The following NCKAP1 variants were observed in gnomAD, a reference collection of about 807,000 sequenced individuals.
NCKAP1 encodes nck-associated protein 1.
In NCKAP1, 21 loss-of-function variants were observed where a neutral mutation model predicts 151.2. The observed-to-expected ratio is 0.14, with a 90% CI of 0.10 to 0.20. The LOEUF (loss-of-function observed/expected upper bound fraction) is 0.20, where lower values mean the gene tolerates loss of function less well. NCKAP1 is among the 10% of genes least tolerant of loss of function. The probability of loss-of-function intolerance (pLI) is 1.00; values close to 1 mark genes in which losing one functional copy is unlikely to be tolerated. For missense variants in NCKAP1, 933 were observed against 1,352.1 expected (o/e 0.69, Z 4.86); for synonymous variants, 484 against 451.8 (o/e 1.07, Z -0.90).
At chr2:182,931,044 T>C (rs573996850) in intron 26 of NCKAP1, among the ~76,000 whole-genome samples, 150 of 152,256 alleles carry the variant, frequency 9.9e-4, no homozygotes, top group Non-Finnish European at 2.9e-4. Flanking sequence ...TCCAACAGGA[T>C]AATTCTAAAG....
chr2:182,943,248 T>C lies in NCKAP1; in HGVS notation c.2602-1085A>G, dbSNP rs1207962760. ...GGTGCAGCAAGCATATAAAGTGCCA[T>C]GGTGTTTTTTACAAACGAAAGGTTG... On this transcript the variant is annotated intron_variant, in intron 23 of 30. Transcript: ENST00000361354. 2.6e-5 allele frequency among the ~76,000 whole-genome samples: 4 copies of C among 152,124 alleles called. No homozygotes were observed. In the East Asian group the frequency reaches 7.7e-4, roughly 29 times the overall value.
chr2:182,976,931 C>G lies in NCKAP1; in HGVS notation c.1444G>C (p.Asp482His). The G allele has an allele frequency of 6.5e-7, 1 of 1,530,788 alleles. No homozygotes were observed. The highest frequency in any genetic ancestry group is 1.4e-5 in the African/African-American group (1 of 70,746). 94.8% of individuals were successfully genotyped at this position (1,530,788 alleles called of 1,614,324 possible). The part of the protein sequence containing the change: ...VKQVEDGEVF[D>H]FRGMRLDWFR... ...CAATCTAATCTCATTCCTCTGAAAT[C>G]AAATACTTCCCCATCTTCAACTGTA... The change falls in exon 15 of 31, where the codon GAT becomes CAT. Residue 482 changes from aspartate (D) to histidine (H), a missense_variant. Physicochemically the swap from Asp to His is moderately conservative, Grantham distance 81. Transcript: ENST00000361354.
At chr2:182,981,421 A>T in intron 12 of NCKAP1, 45 bp from the exon 13 acceptor site, 13 of 1,431,876 alleles carry the variant, frequency 9.1e-6, no homozygotes, top group Non-Finnish European at 1.3e-5. Context: ...TAAATTCATC[A>T]TTATTAAAGA....
intron 23 of NCKAP1, among the ~76,000 whole-genome samples, chr2:182,943,847 T>G (rs527560388): frequency 6.6e-6 from 1 of 152,170 alleles, no homozygotes; most frequent in Non-Finnish European, 1.5e-5. Context: ...TTGGATAACT[T>G]GCCCAAAGTT....
chr2:182,954,615 G>A (rs372669938), intron 20 of NCKAP1, among the ~76,000 whole-genome samples: 5 of 152,008 alleles, frequency 3.3e-5, no homozygotes, highest in East Asian at 1.9e-4. Flanking sequence ...GCGAAACCCC[G>A]TCTCTACTAA....
intron 15 of NCKAP1, among the ~76,000 whole-genome samples, chr2:182,974,494 T>C (rs1453504454): frequency 2.0e-5 from 3 of 152,028 alleles, no homozygotes; most frequent in Non-Finnish European, 4.4e-5. Context: ...CAAATATAAC[T>C]GGTAGCCCTA....
At chr2:183,019,764 A>G (rs1698761124) in intron 2 of NCKAP1, among the ~76,000 whole-genome samples, 1 of 152,244 alleles carries the variant, frequency 6.6e-6, no homozygotes, top group Non-Finnish European at 1.5e-5. Context: ...TCATTTAATC[A>G]GCTTGCTCTG....
At chr2:182,939,465 T>C (rs1696949482) in intron 24 of NCKAP1, among the ~76,000 whole-genome samples, 1 of 151,882 alleles carries the variant, frequency 6.6e-6, no homozygotes, top group African/African-American at 2.4e-5. Context: ...GAGGTGGAGG[T>C]TGCAGTGAGC....
At position 182,912,303 on chromosome 2, in the gene NCKAP1, C is replaced by G. The variant is rs1413420839; in HGVS notation, c.*13399G>C. On this transcript the variant is annotated 3_prime_UTR_variant, in exon 31 of 31. Transcript: ENST00000361354. ...GACATTCTTACCCATTGCTAAAAAT[C>G]AACCAACTATAAACAGTTACCACAG... The G allele has an allele frequency of 6.6e-6, 1 of 152,160 alleles. No homozygotes were observed. The highest frequency in any genetic ancestry group is 1.5e-5 in the Non-Finnish European group (1 of 68,030). The allele number at this position is 152,160 out of a possible 1,614,324, so 9.4% of individuals were successfully genotyped here.
intron 6 of NCKAP1, among the ~76,000 whole-genome samples, chr2:182,998,225 T>C (rs1054255940): frequency 6.6e-6 from 1 of 152,114 alleles, no homozygotes; most frequent in Non-Finnish European, 1.5e-5. Context: ...ATATACGGAA[T>C]GGGCAAAAGC....
At chr2:182,936,674 C>T (rs1032227453) in intron 24 of NCKAP1, among the ~76,000 whole-genome samples, 2 of 152,096 alleles carry the variant, frequency 1.3e-5, no homozygotes, top group African/African-American at 4.8e-5. Context: ...CTAAACCATA[C>T]AAATAGGCCT....
chr2:183,027,898 A>G (rs1199406379), intron 1 of NCKAP1, among the ~76,000 whole-genome samples: 1 of 152,184 alleles, frequency 6.6e-6, no homozygotes, highest in Admixed American at 6.5e-5. Flanking sequence ...ATATCTTTCT[A>G]TTACATCTAC....
At chr2:182,926,926 TAAAGTGAGTTTGTTAATAAA>T (rs758241167) in intron 29 of NCKAP1, 21 bp from the exon 30 acceptor site, 4 of 1,494,768 alleles carry the variant, frequency 2.7e-6, no homozygotes, top group Non-Finnish European at 2.8e-6. Context: ...TACATACACA[TAAAGTGAGTTTGTTAATAAA>T]AGGTTCATCG....
At chr2:183,030,465 C>A (rs1460132691) in intron 1 of NCKAP1, among the ~76,000 whole-genome samples, 1 of 152,114 alleles carries the variant, frequency 6.6e-6, no homozygotes, top group African/African-American at 2.4e-5. Context: ...TTTTCTAGTA[C>A]AATGAATTAA....
In NCKAP1 at chr2:182,943,721, A is replaced by G. The variant is rs560784736; in HGVS notation, c.2602-1558T>C. The stretch of plus-strand genomic sequence containing the variant: ...CTGATATATGTTTAATAATAAGAGC[A>G]ATTATAACCATTTGTTAAGCTCTTA... On this transcript the variant is annotated intron_variant, in intron 23 of 30. Coordinates refer to ENST00000361354, the MANE Select transcript of NCKAP1 (RefSeq NM_013436.5). Among the ~76,000 whole-genome samples the G allele has an allele frequency of 2.8e-4, 43 of 152,292 alleles. No individual in the cohort carries two copies. In the South Asian group the frequency reaches 7.9e-3, roughly 28 times the overall value.
At chr2:182,953,044 A>T in intron 21 of NCKAP1, 69 bp downstream of exon 21, 9 of 1,495,340 alleles carry the variant, frequency 6.0e-6, no homozygotes, top group Non-Finnish European at 8.1e-6. Flanking sequence ...TATTCACAAA[A>T]AAATTAATTT....
At position 182,925,230 on chromosome 2, in the gene NCKAP1, G is replaced by A. The variant is rs1296997414; in HGVS notation, c.*472C>T. On this transcript the variant is annotated 3_prime_UTR_variant, in exon 31 of 31. Transcript: ENST00000361354. ...AGTTTGGCAAATGTTTCAAAATAAA[G>A]TAGAAATGTATTCATAACATCACAG... 6.6e-6 allele frequency: 1 copy of A among 152,092 alleles called. No homozygotes were observed. The highest frequency in any genetic ancestry group is 2.4e-5 in the African/African-American group (1 of 41,424). 9.4% of individuals were successfully genotyped at this position (152,092 alleles called of 1,614,324 possible).
At chr2:182,932,498 C>T (rs1696786152) in intron 26 of NCKAP1, among the ~76,000 whole-genome samples, 1 of 151,964 alleles carries the variant, frequency 6.6e-6, no homozygotes, top group Non-Finnish European at 1.5e-5. Flanking sequence ...TACAAGGCTT[C>T]TTTTTGGGGA....
At chr2:182,984,215 G>C (rs575622344) in intron 10 of NCKAP1, among the ~76,000 whole-genome samples, 1 of 152,094 alleles carries the variant, frequency 6.6e-6, no homozygotes, top group Admixed American at 6.6e-5. Context: ...ATTGGGATGA[G>C]AGCTACTTGG....
Sources: allele counts gnomAD v4.1 joint callset (sites outside exome capture counted in the v4.1 genomes callset), GRCh38; gene constraint gnomAD v4.1.1; transcripts MANE v1.5; gene names NCBI Gene and HGNC (gene_info 2026-07-23, HGNC 2026-07-21).